The following FRMD3 variants were observed in gnomAD, a reference collection of about 807,000 sequenced individuals.
The protein encoded by FRMD3 is FERM domain containing 3, also known as FERM domain-containing protein 3.
Under a neutral mutation model 70.2 loss-of-function variants are expected in FRMD3, and 33 were observed. The observed-to-expected ratio is 0.47, with a 90% CI of 0.36 to 0.63. FRMD3 has a LOEUF of 0.63. Among genes scored for constraint, FRMD3 ranks in the 20% least tolerant of loss-of-function variants. The pLI, the probability that FRMD3 is intolerant of heterozygous loss-of-function variation, is 0.00. For missense variants in FRMD3, 632 were observed against 711.4 expected (o/e 0.89, Z 1.27); for synonymous variants, 279 against 255.9 (o/e 1.09, Z -0.86).
chr9:83,536,523 C>T (rs1176126895), intron 1 of FRMD3, among the ~76,000 whole-genome samples: 3 of 152,220 alleles, frequency 2.0e-5, no homozygotes, highest in Non-Finnish European at 4.4e-5. Flanking sequence ...AGTCCACACT[C>T]TCTGGATCAC....
At chr9:83,335,676 T>C (rs760074223) in intron 5 of FRMD3, 37 bp from the exon 6 acceptor site, 6 of 1,595,878 alleles carry the variant, frequency 3.8e-6, no homozygotes, top group Middle Eastern at 1.7e-4. Context: ...CAGAGAAAGA[T>C]TAAAAACAAT....
At chr9:83,339,970 A>C (rs1460281488) in intron 5 of FRMD3, among the ~76,000 whole-genome samples, 1 of 152,170 alleles carries the variant, frequency 6.6e-6, no homozygotes, top group East Asian at 1.9e-4. Context: ...TTAAACGTTA[A>C]ATGGTTGTGA....
chr9:83,570,193 A>C, the FRMD3 span, among the ~76,000 whole-genome samples: 599 of 152,346 alleles, frequency 3.9e-3, 4 homozygotes, highest in African/African-American at 0.013. Context: ...AACAGCATGA[A>C]CAAAGCAGAT....
At chr9:83,509,606 C>G (rs912827553) in intron 1 of FRMD3, among the ~76,000 whole-genome samples, 61 of 152,150 alleles carry the variant, frequency 4.0e-4, no homozygotes, top group African/African-American at 1.3e-3. Flanking sequence ...CTGATGGCAA[C>G]AGAAATAGTT....
At chr9:83,395,822 A>T (rs898087230) in intron 1 of FRMD3, among the ~76,000 whole-genome samples, 1 of 152,332 alleles carries the variant, frequency 6.6e-6, no homozygotes, top group Non-Finnish European at 1.5e-5. Flanking sequence ...TAAAACTCCA[A>T]GCGAGGTTTT....
upstream of FRMD3, among the ~76,000 whole-genome samples, chr9:83,542,503 C>G (rs557744319): frequency 6.6e-5 from 10 of 152,268 alleles, no homozygotes; most frequent in South Asian, 2.1e-3. Flanking sequence ...TAGGAAGACT[C>G]AATACTGTTA....
chr9:83,343,048 T>G (rs1587746470), intron 5 of FRMD3, 142 bp downstream of exon 5: 3 of 657,110 alleles, frequency 4.6e-6, no homozygotes, highest in South Asian at 1.8e-5. Context: ...TGAGTTGGGG[T>G]TCTGTTGCTA....
At chr9:83,268,982 G>C (rs1028111291) in intron 13 of FRMD3, among the ~76,000 whole-genome samples, 2 of 152,162 alleles carry the variant, frequency 1.3e-5, no homozygotes, top group African/African-American at 4.8e-5. Flanking sequence ...CGCAAAGGTG[G>C]GGCCCAGGAC....
intron 6 of FRMD3, among the ~76,000 whole-genome samples, chr9:83,334,185 T>C (rs1325567595): frequency 6.6e-6 from 1 of 152,180 alleles, no homozygotes. Flanking sequence ...TTTCTACCTC[T>C]AGTACATTTG....
intron 1 of FRMD3, among the ~76,000 whole-genome samples, chr9:83,411,813 G>A (rs575969156): frequency 6.6e-6 from 1 of 152,260 alleles, no homozygotes; most frequent in South Asian, 2.1e-4. Flanking sequence ...TAAACTTTGA[G>A]TTTATACACA....
At chr9:83,490,183 T>C (rs540089680) in intron 1 of FRMD3, among the ~76,000 whole-genome samples, 4 of 152,288 alleles carry the variant, frequency 2.6e-5, no homozygotes, top group African/African-American at 9.6e-5. Flanking sequence ...CCTAGACCAT[T>C]AGCAAAAGAG....
At chr9:83,458,775 C>T (rs1827890210) in intron 1 of FRMD3, among the ~76,000 whole-genome samples, 1 of 151,448 alleles carries the variant, frequency 6.6e-6, no homozygotes, top group East Asian at 2.0e-4. Context: ...GCATAATGGT[C>T]ATTTTTATCA....
chr9:83,499,161 T>C (rs549996248), intron 1 of FRMD3, among the ~76,000 whole-genome samples: 20 of 152,288 alleles, frequency 1.3e-4, no homozygotes, highest in African/African-American at 4.3e-4. Context: ...GGAGTGTCTA[T>C]GTAAACAAAA....
intron 3 of FRMD3, among the ~76,000 whole-genome samples, chr9:83,366,090 G>T (rs1018075076): frequency 2.0e-5 from 3 of 151,962 alleles, no homozygotes; most frequent in African/African-American, 7.3e-5. Flanking sequence ...ATGAGAGAGA[G>T]GTCACCCTCA....
At chr9:83,436,458 ATGTGTGTGTGTGTG>A (rs148417744) in intron 1 of FRMD3, among the ~76,000 whole-genome samples, 2 of 144,566 alleles carry the variant, frequency 1.4e-5, no homozygotes, top group Non-Finnish European at 3.0e-5. Flanking sequence ...AATTAATAAG[ATGTGTGTGTGTGTG>A]TGTGTGTGTG....
Position 83,343,294 on chromosome 9 carries a change from T to C in FRMD3, c.375-7A>G. On this transcript the variant is annotated splice_polypyrimidine_tract_variant and splice_region_variant and intron_variant, in intron 4 of 13. Coordinates refer to ENST00000304195, the MANE Select transcript of FRMD3 (RefSeq NM_174938.6). ...CTGAAGGTATAAAAGGTATCTGCAA[T>C]ACAAAAGGAGAAATGGTCACTCTAA... The C allele has an allele frequency of 1.9e-6, 3 of 1,588,614 alleles. No homozygotes were observed. The highest frequency in any genetic ancestry group is 1.1e-5 in the South Asian group (1 of 90,566).
intron 1 of FRMD3, among the ~76,000 whole-genome samples, chr9:83,461,250 G>T (rs1827962280): frequency 6.6e-6 from 1 of 152,148 alleles, no homozygotes; most frequent in African/African-American, 2.4e-5. Flanking sequence ...GAAGATGCTG[G>T]CTTTGAAGAT....
intron 1 of FRMD3, among the ~76,000 whole-genome samples, chr9:83,392,196 C>A (rs1825684359): frequency 6.6e-6 from 1 of 152,126 alleles, no homozygotes; most frequent in Non-Finnish European, 1.5e-5. Context: ...CATCAATAGC[C>A]CTTTGCAGTT....
chr9:83,331,515 T>G (rs377383018), intron 6 of FRMD3, among the ~76,000 whole-genome samples: 27 of 152,170 alleles, frequency 1.8e-4, no homozygotes, highest in African/African-American at 6.0e-4. Context: ...GGTATTGCAA[T>G]GGAATGATAC....
Sources: allele counts gnomAD v4.1 joint callset (sites outside exome capture counted in the v4.1 genomes callset), GRCh38; gene constraint gnomAD v4.1.1; transcripts MANE v1.5; gene names NCBI Gene and HGNC (gene_info 2026-07-23, HGNC 2026-07-21).